EPB41L3: variants seen among roughly 807,000 people sequenced by gnomAD.
EPB41L3 encodes the protein erythrocyte membrane protein band 4.1 like 3.
A neutral mutation model predicts 127.1 loss-of-function variants in EPB41L3; 57 were observed. The observed-to-expected ratio is 0.45, with a 90% CI of 0.36 to 0.56. The LOEUF is 0.56. EPB41L3 is among the 20% of genes least tolerant of loss of function. The pLI, the probability that EPB41L3 is intolerant of heterozygous loss-of-function variation, is 0.00. For synonymous variants in EPB41L3, 572 were observed against 549.5 expected, an observed-to-expected ratio of 1.04 and a Z score of -0.57; for missense variants, 1,273 against 1,372.2, an observed-to-expected ratio of 0.93 and a Z score of 1.14.
chr18:5,563,687 C>G (rs1275546389), intron 3 of EPB41L3, among the ~76,000 whole-genome samples: 1 of 152,052 alleles, frequency 6.6e-6, no homozygotes, highest in East Asian at 1.9e-4. Flanking sequence ...TAGGTAACTG[C>G]TGGTAATGGC....
At chr18:5,393,622 A>G (rs2072757991) in intron 22 of EPB41L3, 144 bp from the exon 23 acceptor site, 1 of 546,830 alleles carries the variant, frequency 1.8e-6, no homozygotes, top group African/African-American at 1.9e-5. Context: ...GTCACTGCCA[A>G]TTACATGCTT....
intron 22 of EPB41L3, chr18:5,394,418 GAAGACCACAC>G: frequency 2.8e-6 from 1 of 352,394 alleles, no homozygotes; most frequent in South Asian, 7.0e-5. Flanking sequence ...GGAACACCAG[GAAGACCACAC>G]AAGCATAGAA....
intron 1 of EPB41L3, among the ~76,000 whole-genome samples, chr18:5,496,995 G>T (rs1237820612): frequency 6.6e-6 from 1 of 152,316 alleles, no homozygotes; most frequent in African/African-American, 2.4e-5. Flanking sequence ...AGACTGGATG[G>T]TTAGGGAAGG....
chr18:5,396,153 A>G (rs1190335160), intron 19 of EPB41L3, 48 bp downstream of exon 19: 1 of 1,610,856 alleles, frequency 6.2e-7, no homozygotes, highest in Non-Finnish European at 8.5e-7. Flanking sequence ...TAGGCCATAG[A>G]GGGGTGAAAT....
At chr18:5,488,567 A>AATGATGATG (rs200537517) in intron 2 of EPB41L3, among the ~76,000 whole-genome samples, 1 of 150,686 alleles carries the variant, frequency 6.6e-6, no homozygotes, top group Non-Finnish European at 1.5e-5. Flanking sequence ...GTATAATAAT[A>AATGATGATG]ATGATGATGA....
At chr18:5,559,082 T>G (rs73387914) in intron 3 of EPB41L3, among the ~76,000 whole-genome samples, 8,177 of 151,770 alleles carry the variant, frequency 0.054, 438 homozygotes, top group African/African-American at 0.14. Flanking sequence ...ATGTGCTCCT[T>G]ATAAAGATGA....
chr18:5,606,539 G>A (rs564526139), intron 3 of EPB41L3, among the ~76,000 whole-genome samples: 14 of 152,104 alleles, frequency 9.2e-5, no homozygotes, highest in East Asian at 5.8e-4. Context: ...CCCTTTATTC[G>A]TATGACTTAT....
At chr18:5,553,036 T>C (rs1339055259) in intron 3 of EPB41L3, among the ~76,000 whole-genome samples, 1 of 152,214 alleles carries the variant, frequency 6.6e-6, no homozygotes, top group Non-Finnish European at 1.5e-5. Context: ...ACACATTGCA[T>C]TGGCTACAAA....
chr18:5,489,764 C>T lies in EPB41L3; in HGVS notation c.-11-570G>A, dbSNP rs981096309. 7.9e-5 allele frequency among the ~76,000 whole-genome samples: 12 copies of T among 152,314 alleles called. No homozygotes were observed. The East Asian group carries it at 1.2e-3, about 15-fold the overall frequency. ...TACAACAGCAGCTTCTTCAGGGACT[C>T]GGGATCTGTCCCACTGGCCATAGCT... On this transcript the variant is annotated intron_variant, in intron 1 of 22. Coordinates refer to ENST00000341928, the MANE Select transcript of EPB41L3 (RefSeq NM_012307.5).
rs962144800 is a variant in EPB41L3, at chr18:5,392,590, T to C, written c.*895A>G. 2 of 152,442 alleles carry C rather than the reference T, an allele frequency of 1.3e-5. No individual in the cohort carries two copies. The highest frequency in any genetic ancestry group is 2.9e-5 in the Non-Finnish European group (2 of 67,996). 9.4% of individuals were successfully genotyped at this position (152,442 alleles called of 1,614,324 possible). Reference sequence around the variant, plus strand: ...TGTAAATATGGACCAGATTTGAAAATAAAACACTTTCTTTTCAAGTAAAAG... The same window carrying C: ...TGTAAATATGGACCAGATTTGAAAACAAAACACTTTCTTTTCAAGTAAAAG... On this transcript the variant is annotated 3_prime_UTR_variant, in exon 23 of 23. Coordinates refer to ENST00000341928, the MANE Select transcript of EPB41L3 (RefSeq NM_012307.5).
chr18:5,621,519 G>A (rs921727961), intron 1 of EPB41L3, among the ~76,000 whole-genome samples: 1 of 152,156 alleles, frequency 6.6e-6, no homozygotes, highest in African/African-American at 2.4e-5. Context: ...CTGGAGAATT[G>A]CTTGAGCCCA....
chr18:5,578,306 G>C (rs2143086266), intron 3 of EPB41L3, among the ~76,000 whole-genome samples: 1 of 152,308 alleles, frequency 6.6e-6, no homozygotes, highest in African/African-American at 2.4e-5. Flanking sequence ...AATTGTTACT[G>C]TTAGTGATTA....
chr18:5,446,082 C>T (rs1449554945), intron 3 of EPB41L3, among the ~76,000 whole-genome samples: 1 of 152,162 alleles, frequency 6.6e-6, no homozygotes, highest in Non-Finnish European at 1.5e-5. Context: ...TAAAACCTAT[C>T]CCAAATCCTT....
intron 1 of EPB41L3, among the ~76,000 whole-genome samples, chr18:5,504,168 A>G (rs2091967528): frequency 1.3e-5 from 2 of 152,210 alleles, no homozygotes. Flanking sequence ...TTTCAGCCTT[A>G]GTGACAACTC....
intron 1 of EPB41L3, among the ~76,000 whole-genome samples, chr18:5,509,252 G>A (rs2148649153): frequency 6.6e-6 from 1 of 152,310 alleles, no homozygotes; most frequent in South Asian, 2.1e-4. Flanking sequence ...ACCTCACCTG[G>A]CCCAAACAAC....
intron 4 of EPB41L3, 141 bp from the exon 5 acceptor site, chr18:5,444,021 A>G: frequency 9.1e-6 from 6 of 660,040 alleles, no homozygotes; most frequent in Non-Finnish European, 1.3e-5. Context: ...CTTCCCCCAC[A>G]TCTGGTGCCC....
At chr18:5,550,994 T>C (rs887781362) in intron 3 of EPB41L3, among the ~76,000 whole-genome samples, 1 of 152,248 alleles carries the variant, frequency 6.6e-6, no homozygotes, top group African/African-American at 2.4e-5. Context: ...CTTAGATTTA[T>C]ACAAGTCCTC....
intron 3 of EPB41L3, among the ~76,000 whole-genome samples, chr18:5,470,047 G>C (rs528594137): frequency 6.6e-6 from 1 of 152,070 alleles, no homozygotes; most frequent in Non-Finnish European, 1.5e-5. Flanking sequence ...CAAAGTGCTG[G>C]GATTATAGAC....
chr18:5,596,577 G>T (rs1023474155), intron 3 of EPB41L3, among the ~76,000 whole-genome samples: 5 of 152,102 alleles, frequency 3.3e-5, no homozygotes, highest in African/African-American at 9.7e-5. Context: ...ACTCATACTT[G>T]TTGGCAATAC....
Sources: gnomAD v4.1 joint callset for allele counts (sites outside exome capture counted in the v4.1 genomes callset) on GRCh38, gnomAD v4.1.1 for gene constraint, MANE v1.5 for transcripts, NCBI Gene and HGNC (gene_info 2026-07-23, HGNC 2026-07-21) for gene names.